Variants in CDH18 observed in about 807,000 individuals in gnomAD.
CDH18 encodes the protein cadherin-18.
A neutral mutation model predicts 67.9 loss-of-function variants in CDH18; 31 were observed. That is an observed-to-expected ratio of 0.46 (90% CI 0.34 to 0.62). The LOEUF (loss-of-function observed/expected upper bound fraction) is 0.62. Among genes scored for constraint, CDH18 ranks in the 20% least tolerant of loss-of-function variants. The pLI is 0.01. For synonymous variants in CDH18, 362 were observed against 347.2 expected (o/e 1.04, Z -0.48); for missense variants, 890 against 975.5 (o/e 0.91, Z 1.17).
At chr5:20,219,052 AT>A (rs1201849683) in intron 2 of CDH18, among the ~76,000 whole-genome samples, 3 of 152,014 alleles carry the variant, frequency 2.0e-5, no homozygotes, top group Non-Finnish European at 4.4e-5. Context: ...TTGAAAAAAA[AT>A]CAATGAAATA....
intron 3 of CDH18, among the ~76,000 whole-genome samples, chr5:19,816,264 G>A (rs953323551): frequency 3.3e-5 from 5 of 151,692 alleles, no homozygotes; most frequent in Admixed American, 6.6e-5. Flanking sequence ...ATGTGGACAA[G>A]ATCCACTTAC....
chr5:20,242,126 T>C (rs1279259548), intron 2 of CDH18, among the ~76,000 whole-genome samples: 1 of 151,696 alleles, frequency 6.6e-6, no homozygotes, highest in Non-Finnish European at 1.5e-5. Flanking sequence ...AACTTTACAA[T>C]GGAAATAAAA....
chr5:20,479,416 A>C (rs1361785629), intron 1 of CDH18, among the ~76,000 whole-genome samples: 1 of 152,124 alleles, frequency 6.6e-6, no homozygotes, highest in Non-Finnish European at 1.5e-5. Flanking sequence ...ATTTACAAAG[A>C]GATTTAATTA....
At chr5:20,209,536 A>C (rs943922333) in intron 2 of CDH18, among the ~76,000 whole-genome samples, 1 of 152,044 alleles carries the variant, frequency 6.6e-6, no homozygotes, top group South Asian at 2.1e-4. Context: ...TGGGAGCTTA[A>C]AATGTTGATC....
At chr5:19,545,126 C>G (rs2127092175) in intron 8 of CDH18, among the ~76,000 whole-genome samples, 1 of 152,290 alleles carries the variant, frequency 6.6e-6, no homozygotes, top group Admixed American at 6.5e-5. Flanking sequence ...TAAATATTCT[C>G]TCCTAAAGCC....
At position 20,003,689 on chromosome 5, in the gene CDH18, G is replaced by A. The variant is rs1010645223; in HGVS notation, c.-517-11675C>T. On this transcript the variant is annotated intron_variant, in intron 2 of 14. Transcript: ENST00000507958. ...GTGCGGATCACGAGGTCAGGAGATC[G>A]AGACCATCCTGGCTAATACGGTGAA... 5.3e-5 allele frequency among the ~76,000 whole-genome samples: 8 copies of A among 152,186 alleles called. No homozygotes were observed. In the East Asian group the frequency reaches 1.2e-3, roughly 22 times the overall value.
At chr5:19,857,117 T>G (rs1452066757) in intron 2 of CDH18, among the ~76,000 whole-genome samples, 1 of 151,914 alleles carries the variant, frequency 6.6e-6, no homozygotes, top group African/African-American at 2.4e-5. Context: ...ATCCAGCCAC[T>G]TGGGACCAAG....
chr5:20,112,442 G>GT (rs1747558431), intron 2 of CDH18, among the ~76,000 whole-genome samples: 1 of 152,170 alleles, frequency 6.6e-6, no homozygotes, highest in East Asian at 1.9e-4. Flanking sequence ...TTATCAGATA[G>GT]TTTTTGCCAT....
intron 2 of CDH18, among the ~76,000 whole-genome samples, chr5:20,118,117 A>C (rs1748070630): frequency 1.3e-5 from 2 of 152,198 alleles, no homozygotes; most frequent in African/African-American, 4.8e-5. Context: ...CATTAGCAAA[A>C]GGTGGTATAT....
chr5:19,709,676 A>C (rs1398040632), intron 5 of CDH18, among the ~76,000 whole-genome samples: 1 of 151,732 alleles, frequency 6.6e-6, no homozygotes, highest in African/African-American at 2.4e-5. Context: ...AAAGAAAAAG[A>C]AAAGAAAGAA....
intron 2 of CDH18, among the ~76,000 whole-genome samples, chr5:20,015,362 G>A (rs990734503): frequency 6.6e-6 from 1 of 152,108 alleles, no homozygotes; most frequent in African/African-American, 2.4e-5. Flanking sequence ...TATCAGAAAA[G>A]ATGTGGCACA....
At chr5:20,162,529 C>T (rs191506856) in intron 2 of CDH18, among the ~76,000 whole-genome samples, 371 of 148,184 alleles carry the variant, frequency 2.5e-3, no homozygotes, top group Non-Finnish European at 4.7e-3. Context: ...TAGTGACTCA[C>T]ATGCCATTCA....
rs970535523 is a variant in CDH18 at position 20,018,887 on chromosome 5, C to T, written c.-517-26873G>A. The stretch of plus-strand genomic sequence containing the variant: ...TCGACTCACTGCAAGCTCCGCCTCC[C>T]GGGTTCACGCCATTCTCCTGCCTCA... On this transcript the variant is annotated intron_variant, in intron 2 of 14. Transcript: ENST00000507958. Among the ~76,000 whole-genome samples, 18 of 142,738 alleles carry T rather than the reference C, an allele frequency of 1.3e-4. 3 individuals are homozygous for T. In the East Asian group the frequency reaches 2.0e-3, roughly 16 times the overall value. The allele number at this position is 142,738 out of a possible 152,430, so 93.6% of individuals were successfully genotyped here.
At chr5:19,597,981 T>A (rs1431631807) in intron 6 of CDH18, among the ~76,000 whole-genome samples, 2 of 152,220 alleles carry the variant, frequency 1.3e-5, no homozygotes, top group Non-Finnish European at 2.9e-5. Flanking sequence ...TTTATTTTAA[T>A]AATATGCTAC....
rs199758396 is a variant in CDH18, at chr5:19,714,857, T to TA, written c.643+6489dup. Reference sequence around the variant, plus strand: ...AATCTATGAATGATAAGTGAGGACATACTGCAAAATTGTTTGTGCAAGCAA... The same window carrying TA: ...AATCTATGAATGATAAGTGAGGACATAACTGCAAAATTGTTTGTGCAAGCAA... On this transcript the variant is annotated intron_variant, in intron 5 of 12. Coordinates refer to ENST00000382275, the MANE Select transcript of CDH18 (RefSeq NM_004934.5). Among the ~76,000 whole-genome samples, 687 of 152,178 alleles carry TA rather than the reference T, an allele frequency of 4.5e-3. 19 individuals are homozygous for TA. Among genetic ancestry groups the TA allele is most frequent in the Admixed American group, 0.035 (527 of 15,258 alleles).
At chr5:20,457,689 T>G (rs1750937460) in intron 1 of CDH18, among the ~76,000 whole-genome samples, 1 of 152,156 alleles carries the variant, frequency 6.6e-6, no homozygotes, top group Admixed American at 6.6e-5. Flanking sequence ...GGTCTCCCAG[T>G]CTAAAAGTAT....
intron 3 of CDH18, among the ~76,000 whole-genome samples, chr5:19,818,361 A>C (rs1326611655): frequency 1.3e-5 from 2 of 152,158 alleles, no homozygotes; most frequent in Non-Finnish European, 2.9e-5. Context: ...GATGTGTGTA[A>C]TATCTTAAGT....
intron 1 of CDH18, among the ~76,000 whole-genome samples, chr5:20,291,073 T>C (rs1048739223): frequency 6.6e-6 from 1 of 152,104 alleles, no homozygotes; most frequent in African/African-American, 2.4e-5. Context: ...AAAATATGGC[T>C]TCCAGAGATA....
At chr5:19,480,668 G>A (rs1475044068) in intron 12 of CDH18, among the ~76,000 whole-genome samples, 4 of 152,190 alleles carry the variant, frequency 2.6e-5, no homozygotes, top group African/African-American at 7.2e-5. Flanking sequence ...GAGCCACCGC[G>A]CCCGGCCATA....
Sources: gnomAD v4.1 joint callset for allele counts (sites outside exome capture counted in the v4.1 genomes callset) on GRCh38, gnomAD v4.1.1 for gene constraint, MANE v1.5 for transcripts, NCBI Gene and HGNC (gene_info 2026-07-23, HGNC 2026-07-21) for gene names.